The following PATJ variants were observed in gnomAD, a reference collection of about 807,000 sequenced individuals.
PATJ encodes the protein PATJ crumbs cell polarity complex component.
Under a neutral mutation model 224.9 loss-of-function variants are expected in PATJ, and 190 were observed. The observed-to-expected ratio is 0.84, with a 90% CI of 0.75 to 0.95. PATJ has a LOEUF of 0.95. PATJ is among the 40% of genes least tolerant of loss of function. The pLI, the probability that PATJ is intolerant of heterozygous loss-of-function variation, is 0.00. For synonymous variants in PATJ, 769 were observed against 820.3 expected, an observed-to-expected ratio of 0.94 and a Z score of 1.07; for missense variants, 2,121 against 2,270.3, an observed-to-expected ratio of 0.93 and a Z score of 1.34.
intron 27 of PATJ, among the ~76,000 whole-genome samples, chr1:61,941,844 C>T (rs962097083): frequency 2.0e-5 from 3 of 152,158 alleles, no homozygotes; most frequent in Non-Finnish European, 4.4e-5. Flanking sequence ...AGAATTTCAG[C>T]ATAGCAACCA....
intron 41 of PATJ, among the ~76,000 whole-genome samples, chr1:62,137,952 CCTCT>C (rs1667123506): frequency 6.6e-6 from 1 of 152,098 alleles, no homozygotes; most frequent in Non-Finnish European, 1.5e-5. Flanking sequence ...TTCACAGTCT[CCTCT>C]TCCTCGGATG....
At chr1:62,046,409 A>T (rs1432110544) in intron 30 of PATJ, among the ~76,000 whole-genome samples, 1 of 152,234 alleles carries the variant, frequency 6.6e-6, no homozygotes, top group Non-Finnish European at 1.5e-5. Flanking sequence ...TCCTCCCTCA[A>T]TTCCAACTTC....
chr1:62,144,135 G>A (rs10789104), intron 41 of PATJ, among the ~76,000 whole-genome samples: 27,879 of 151,946 alleles, frequency 0.18, 4,083 homozygotes, highest in East Asian at 0.69. Flanking sequence ...TTAATCTTTC[G>A]TCCTAAATAT....
chr1:62,013,463 A>G (rs565593643), intron 28 of PATJ: 5 of 985,448 alleles, frequency 5.1e-6, no homozygotes, highest in East Asian at 1.1e-4. Flanking sequence ...CAAGCTATGC[A>G]TGAAAAGCTG....
intron 17 of PATJ, among the ~76,000 whole-genome samples, chr1:61,835,970 A>T (rs1310567906): frequency 6.6e-6 from 1 of 152,206 alleles, no homozygotes; most frequent in Non-Finnish European, 1.5e-5. Flanking sequence ...TATTTATATC[A>T]TAATGGTTGC....
chr1:61,745,581 T>C, intron 1 of PATJ, among the ~76,000 whole-genome samples: 1 of 147,378 alleles, frequency 6.8e-6, no homozygotes, highest in South Asian at 2.1e-4. Context: ...GCCAAAATTA[T>C]TTTACTTTAT....
chr1:61,787,423 T>G (rs1165412140), intron 7 of PATJ, among the ~76,000 whole-genome samples: 3 of 152,250 alleles, frequency 2.0e-5, no homozygotes, highest in Non-Finnish European at 4.4e-5. Flanking sequence ...TGACCTTTCC[T>G]TCTTGAGGCC....
At chr1:62,096,921 A>C (rs1020769046) in intron 33 of PATJ, among the ~76,000 whole-genome samples, 1 of 152,086 alleles carries the variant, frequency 6.6e-6, no homozygotes, top group Non-Finnish European at 1.5e-5. Flanking sequence ...CCGGCCCAAC[A>C]TAGATGTTTT....
chr1:61,868,784 G>A (rs916368734), intron 20 of PATJ, among the ~76,000 whole-genome samples: 3 of 151,632 alleles, frequency 2.0e-5, no homozygotes, highest in Non-Finnish European at 2.9e-5. Flanking sequence ...GAGAGACTCC[G>A]TCTCAAAAAA....
intron 27 of PATJ, among the ~76,000 whole-genome samples, chr1:61,941,652 A>G (rs562879753): frequency 3.3e-5 from 5 of 152,020 alleles, no homozygotes; most frequent in Non-Finnish European, 7.4e-5. Context: ...CTCTGTCTCA[A>G]TAAATAAATA....
At chr1:61,857,488 A>C (rs570305812) in intron 18 of PATJ, among the ~76,000 whole-genome samples, 1 of 152,204 alleles carries the variant, frequency 6.6e-6, no homozygotes, top group Non-Finnish European at 1.5e-5. Flanking sequence ...AGTGCTGTAC[A>C]TGCCTGTCTT....
chr1:62,046,877 A>G (rs376664454), intron 30 of PATJ, among the ~76,000 whole-genome samples: 5 of 152,290 alleles, frequency 3.3e-5, no homozygotes, highest in African/African-American at 9.6e-5. Context: ...TTTTGTTTCT[A>G]TTCACATCTT....
intron 14 of PATJ, among the ~76,000 whole-genome samples, chr1:61,821,043 C>CTT (rs113639554): frequency 3.3e-4 from 47 of 143,292 alleles, no homozygotes; most frequent in African/African-American, 6.9e-4. Context: ...GAAAAACTAT[C>CTT]TTTTTTTTTT....
Position 62,153,454 on chromosome 1 carries a change from A to G in PATJ, c.5475A>G (p.Pro1825=), listed in dbSNP as rs1668834808. 8.1e-7 allele frequency: 1 copy of G among 1,231,576 alleles called. No individual in the cohort carries two copies. Among genetic ancestry groups the G allele is most frequent in the Non-Finnish European group, 1.0e-6 (1 of 987,560 alleles). The allele number at this position is 1,231,576 out of a possible 1,614,324, so 76.3% of individuals were successfully genotyped here. ...ATGGAAGTCCCCATGGAGACCTGCC[A>G]ATTTATGTCAAGACTGTATTTGCAA... ...GGYGSPHGDL[P]IYVKTVFAKG... Residue 1825 remains proline (P), a synonymous_variant, in exon 43 of 44, where the codon CCA becomes CCG. Transcript: ENST00000642238.
At chr1:61,828,154 A>T (rs778928383) in intron 16 of PATJ, among the ~76,000 whole-genome samples, 11 of 151,966 alleles carry the variant, frequency 7.2e-5, no homozygotes, top group Admixed American at 2.6e-4. Context: ...GAGGCAGGAA[A>T]ATCACTTGAA....
intron 27 of PATJ, among the ~76,000 whole-genome samples, chr1:61,962,161 G>A (rs368488848): frequency 1.4e-4 from 21 of 151,878 alleles, no homozygotes; most frequent in South Asian, 4.2e-4. Flanking sequence ...TACTTCCACA[G>A]CCTACCATGA....
chr1:61,948,745 C>T (rs1231724483), intron 27 of PATJ, among the ~76,000 whole-genome samples: 1 of 152,100 alleles, frequency 6.6e-6, no homozygotes, highest in Non-Finnish European at 1.5e-5. Context: ...AATCATGCTG[C>T]TATAAAGACA....
At chr1:61,934,788 C>T (rs541237815) in intron 27 of PATJ, among the ~76,000 whole-genome samples, 24 of 152,062 alleles carry the variant, frequency 1.6e-4, no homozygotes, top group South Asian at 4.2e-4. Context: ...AGTATTTGGC[C>T]GAATTAATGG....
chr1:61,863,206 TA>T, intron 19 of PATJ, among the ~76,000 whole-genome samples: 1 of 152,058 alleles, frequency 6.6e-6, no homozygotes, highest in Non-Finnish European at 1.5e-5. Flanking sequence ...GGCTAATTTT[TA>T]AATTTTTTTG....
Sources: gnomAD v4.1 joint callset for allele counts (sites outside exome capture counted in the v4.1 genomes callset) on GRCh38, gnomAD v4.1.1 for gene constraint, MANE v1.5 for transcripts, NCBI Gene and HGNC (gene_info 2026-07-23, HGNC 2026-07-21) for gene names.